Variants in NBEA observed in about 807,000 individuals in gnomAD.
The protein encoded by NBEA is neurobeachin, also known as lysosomal-trafficking regulator 2.
A neutral mutation model predicts 343.4 loss-of-function variants in NBEA; 44 were observed. That is an observed-to-expected ratio of 0.13 (90% CI 0.10 to 0.16). NBEA has a LOEUF of 0.16. NBEA is among the 10% of genes least tolerant of loss of function. The pLI is 1.00. For missense variants in NBEA, 2,555 were observed against 3,631.3 expected, an observed-to-expected ratio of 0.70 and a Z score of 7.62; for synonymous variants, 1,175 against 1,238.7, an observed-to-expected ratio of 0.95 and a Z score of 1.08.
rs369683754 is a variant in NBEA at position 34,998,123 on chromosome 13, C to T, written c.295-42810C>T. The stretch of plus-strand genomic sequence containing the variant: ...GGGAGAAATTTTAAAGCTGGGTATC[C>T]GGGGGAGATATCACATGTTGGCAGG... On this transcript the variant is annotated intron_variant, in intron 1 of 58. Coordinates refer to ENST00000379939, the MANE Select transcript of NBEA (RefSeq NM_001385012.1). Among the ~76,000 whole-genome samples, 24 of 152,052 alleles carry T rather than the reference C, an allele frequency of 1.6e-4. 1 individual carries two copies. Among genetic ancestry groups the T allele is most frequent in the Admixed American group, 5.2e-4 (8 of 15,260 alleles).
chr13:35,111,104 T>G (rs2066180986), intron 13 of NBEA, 126 bp downstream of exon 13: 1 of 707,438 alleles, frequency 1.4e-6, no homozygotes, highest in African/African-American at 1.8e-5. Flanking sequence ...TATAGCAAAC[T>G]GGCATATTGA....
chr13:35,261,496 G>A (rs1011616082), intron 34 of NBEA, among the ~76,000 whole-genome samples: 1 of 152,042 alleles, frequency 6.6e-6, no homozygotes, highest in Non-Finnish European at 1.5e-5. Context: ...GGGCAACAGA[G>A]CGAGACTCCA....
chr13:35,426,373 T>G (rs2044674162), intron 38 of NBEA, among the ~76,000 whole-genome samples: 1 of 152,192 alleles, frequency 6.6e-6, no homozygotes, highest in Non-Finnish European at 1.5e-5. Flanking sequence ...CATTTGCTTG[T>G]TTGTAAAGTT....
intron 1 of NBEA, among the ~76,000 whole-genome samples, chr13:34,995,845 A>G (rs1016356775): frequency 1.3e-5 from 2 of 152,212 alleles, no homozygotes; most frequent in Admixed American, 6.6e-5. Flanking sequence ...TTTATTTAAC[A>G]GGTTAAAAGT....
intron 17 of NBEA, among the ~76,000 whole-genome samples, chr13:35,138,964 A>G (rs2067906290): frequency 6.7e-6 from 1 of 150,200 alleles, no homozygotes; most frequent in South Asian, 2.1e-4. Flanking sequence ...TATAATGATT[A>G]TGTCTGGGTT....
At chr13:35,313,124 TC>T (rs2037480560) in intron 36 of NBEA, among the ~76,000 whole-genome samples, 1 of 152,134 alleles carries the variant, frequency 6.6e-6, no homozygotes, top group African/African-American at 2.4e-5. Flanking sequence ...AATCCTCTTC[TC>T]CCACATCTTG....
At chr13:35,515,889 C>T (rs1348081066) in intron 41 of NBEA, among the ~76,000 whole-genome samples, 1 of 152,038 alleles carries the variant, frequency 6.6e-6, no homozygotes, top group Non-Finnish European at 1.5e-5. Flanking sequence ...GCCAATTACT[C>T]CAAAGCACAT....
chr13:35,233,313 CT>C (rs1039509086), intron 34 of NBEA, among the ~76,000 whole-genome samples: 2 of 152,000 alleles, frequency 1.3e-5, no homozygotes, highest in African/African-American at 4.8e-5. Flanking sequence ...CCTTGTATAT[CT>C]TTTTTGCTTT....
At chr13:35,541,725 G>GGTGTGTAT (rs2078832898) in intron 41 of NBEA, among the ~76,000 whole-genome samples, 1 of 145,144 alleles carries the variant, frequency 6.9e-6, no homozygotes, top group Non-Finnish European at 1.5e-5. Flanking sequence ...GGTCTGCATG[G>GGTGTGTAT]GTGTGTGTGT....
chr13:35,489,855 T>G (rs1203827990), intron 41 of NBEA, among the ~76,000 whole-genome samples: 2 of 151,924 alleles, frequency 1.3e-5, no homozygotes, highest in Non-Finnish European at 2.9e-5. Flanking sequence ...AGTTTCCTAT[T>G]TCTTAATTAG....
chr13:35,580,324 C>T (rs2080961179), intron 45 of NBEA, among the ~76,000 whole-genome samples: 1 of 152,042 alleles, frequency 6.6e-6, no homozygotes, highest in African/African-American at 2.4e-5. Context: ...CAGAAAAGGA[C>T]ACTATTTATT....
chr13:35,430,635 G>T (rs535342694), intron 38 of NBEA, among the ~76,000 whole-genome samples: 1 of 152,222 alleles, frequency 6.6e-6, no homozygotes, highest in East Asian at 1.9e-4. Flanking sequence ...CTGTTCAGCT[G>T]CCCTTACAGA....
chr13:35,103,892 C>T (rs199983304), intron 11 of NBEA, among the ~76,000 whole-genome samples: 1 of 151,858 alleles, frequency 6.6e-6, no homozygotes, highest in African/African-American at 2.4e-5. Context: ...TTGATATCAT[C>T]TTAGTTCAAA....
chr13:35,513,302 ATTTTTTTTTTT>A (rs754363500), intron 41 of NBEA, among the ~76,000 whole-genome samples: 1 of 72,260 alleles, frequency 1.4e-5, no homozygotes, highest in Admixed American at 1.8e-4. Context: ...ACACCTGGCA[ATTTTTTTTTTT>A]TTTTTTTTTT....
chr13:34,973,490 T>C (rs2060066029), intron 1 of NBEA, among the ~76,000 whole-genome samples: 1 of 152,138 alleles, frequency 6.6e-6, no homozygotes, highest in Admixed American at 6.5e-5. Flanking sequence ...CCAGAGAACA[T>C]TCGCCAGGGT....
At chr13:35,232,658 A>C in intron 34 of NBEA, 39 bp downstream of exon 34, 1 of 1,369,116 alleles carries the variant, frequency 7.3e-7, no homozygotes, top group South Asian at 1.6e-5. Flanking sequence ...GTTTCCTATA[A>C]TGTATGTATT....
chr13:35,608,300 A>G (rs2082366711), intron 48 of NBEA, among the ~76,000 whole-genome samples: 2 of 152,100 alleles, frequency 1.3e-5, no homozygotes, highest in South Asian at 4.1e-4. Context: ...ATTTCATACT[A>G]TTCCCTTGAA....
intron 41 of NBEA, among the ~76,000 whole-genome samples, chr13:35,486,165 T>G (rs981935894): frequency 3.3e-5 from 5 of 152,130 alleles, no homozygotes; most frequent in Admixed American, 2.0e-4. Context: ...AAAACTTAGT[T>G]ATTCCAAAAT....
intron 10 of NBEA, among the ~76,000 whole-genome samples, chr13:35,085,102 AC>A (rs1424018450): frequency 6.6e-6 from 1 of 152,126 alleles, no homozygotes; most frequent in Non-Finnish European, 1.5e-5. Flanking sequence ...TAGCTTACCA[AC>A]CAAAAAAAGT....
Sources: allele counts gnomAD v4.1 joint callset (sites outside exome capture counted in the v4.1 genomes callset), GRCh38; gene constraint gnomAD v4.1.1; transcripts MANE v1.5; gene names NCBI Gene and HGNC (gene_info 2026-07-23, HGNC 2026-07-21).